CNTNAP5: variants seen among roughly 807,000 people sequenced by gnomAD.
CNTNAP5 encodes the protein contactin associated protein family member 5, also known as contactin-associated protein-like 5.
Under a neutral mutation model 150.2 loss-of-function variants are expected in CNTNAP5, and 72 were observed. That is an observed-to-expected ratio of 0.48 (90% CI 0.40 to 0.58). The LOEUF (loss-of-function observed/expected upper bound fraction) is 0.58. Among genes scored for constraint, CNTNAP5 ranks in the 20% least tolerant of loss-of-function variants. The pLI is 0.00. For missense variants in CNTNAP5, 1,636 were observed against 1,626.2 expected, an observed-to-expected ratio of 1.01 and a Z score of -0.10; for synonymous variants, 672 against 619.8, an observed-to-expected ratio of 1.08 and a Z score of -1.25.
At chr2:124,654,800 C>G (rs994594727) in intron 13 of CNTNAP5, among the ~76,000 whole-genome samples, 2 of 152,024 alleles carry the variant, frequency 1.3e-5, no homozygotes, top group Non-Finnish European at 2.9e-5. Flanking sequence ...CACGCCTAAA[C>G]ATACACAAAT....
intron 10 of CNTNAP5, among the ~76,000 whole-genome samples, chr2:124,558,966 G>T (rs540165761): frequency 6.6e-6 from 1 of 152,150 alleles, no homozygotes; most frequent in Non-Finnish European, 1.5e-5. Context: ...TCTTATCTCT[G>T]CTCTGAAGCA....
chr2:124,699,268 C>T (rs114552816), intron 13 of CNTNAP5, among the ~76,000 whole-genome samples: 4,548 of 152,190 alleles, frequency 0.03, 101 homozygotes, highest in South Asian at 0.041. Context: ...TATCTCAATA[C>T]ATCATCCTGA....
At chr2:124,238,106 T>G (rs1425711753) in intron 2 of CNTNAP5, among the ~76,000 whole-genome samples, 1 of 152,092 alleles carries the variant, frequency 6.6e-6, no homozygotes, top group Non-Finnish European at 1.5e-5. Flanking sequence ...TCAAGGTGAA[T>G]TATGTTTCTA....
intron 1 of CNTNAP5, among the ~76,000 whole-genome samples, chr2:124,139,149 T>G (rs1007679678): frequency 6.6e-6 from 1 of 152,020 alleles, no homozygotes; most frequent in African/African-American, 2.4e-5. Context: ...TATGAGCCAC[T>G]CGAAAACAAA....
chr2:124,614,787 T>C (rs1677459074), intron 12 of CNTNAP5, among the ~76,000 whole-genome samples: 1 of 152,174 alleles, frequency 6.6e-6, no homozygotes, highest in Non-Finnish European at 1.5e-5. Context: ...CAGTATCTTG[T>C]GCCACCCTCC....
chr2:124,768,271 ATGTGTGTGTG>A (rs10598326), intron 16 of CNTNAP5, among the ~76,000 whole-genome samples: 31 of 131,322 alleles, frequency 2.4e-4, no homozygotes, highest in Non-Finnish European at 3.2e-4. Flanking sequence ...TACTGTATGT[ATGTGTGTGTG>A]TGTGTGTGTG....
At chr2:124,468,862 C>G (rs527534995) in intron 6 of CNTNAP5, among the ~76,000 whole-genome samples, 52 of 152,280 alleles carry the variant, frequency 3.4e-4, no homozygotes, top group African/African-American at 1.2e-3. Context: ...ACTGTGGAAC[C>G]CCTCTAGCCT....
chr2:124,104,960 T>C (rs569691395), intron 1 of CNTNAP5, among the ~76,000 whole-genome samples: 1 of 152,078 alleles, frequency 6.6e-6, no homozygotes, highest in Admixed American at 6.6e-5. Context: ...TCCTGACATC[T>C]TGTCCCTTAG....
intron 4 of CNTNAP5, among the ~76,000 whole-genome samples, chr2:124,424,971 T>A (rs539590974): frequency 6.6e-6 from 1 of 152,232 alleles, no homozygotes; most frequent in East Asian, 1.9e-4. Flanking sequence ...ATTGCTATTA[T>A]TCCTGTGACC....
At chr2:124,840,655 G>T (rs774772830) in intron 19 of CNTNAP5, among the ~76,000 whole-genome samples, 2 of 152,002 alleles carry the variant, frequency 1.3e-5, no homozygotes, top group Non-Finnish European at 2.9e-5. Context: ...TCTTTATGCC[G>T]GTAAACAGGA....
intron 19 of CNTNAP5, among the ~76,000 whole-genome samples, chr2:124,838,240 A>C (rs1682869820): frequency 6.6e-6 from 1 of 152,208 alleles, no homozygotes; most frequent in Non-Finnish European, 1.5e-5. Flanking sequence ...GTAGAAGTAG[A>C]TACTATGATT....
At chr2:124,707,039 AAGGAGGAGG>A (rs775220057) in intron 13 of CNTNAP5, among the ~76,000 whole-genome samples, 8 of 82,010 alleles carry the variant, frequency 9.8e-5, no homozygotes, top group African/African-American at 3.2e-4. Context: ...GAAGAAGAAG[AAGGAGGAGG>A]AGGAGGAGGA....
At chr2:124,266,829 T>C (rs576684291) in intron 3 of CNTNAP5, among the ~76,000 whole-genome samples, 3 of 152,286 alleles carry the variant, frequency 2.0e-5, no homozygotes, top group African/African-American at 7.2e-5. Context: ...ACTTTGTCTT[T>C]TGTGTGCTAG....
At chr2:124,651,715 T>C (rs546237031) in intron 13 of CNTNAP5, among the ~76,000 whole-genome samples, 5 of 152,214 alleles carry the variant, frequency 3.3e-5, no homozygotes, top group Non-Finnish European at 5.9e-5. Flanking sequence ...AATTTCCTTA[T>C]TGTGTAGGAA....
chr2:124,669,227 G>T (rs1678760279), intron 13 of CNTNAP5, among the ~76,000 whole-genome samples: 1 of 152,184 alleles, frequency 6.6e-6, no homozygotes, highest in Non-Finnish European at 1.5e-5. Flanking sequence ...GATATTAAAT[G>T]ATTAGTTTTG....
intron 3 of CNTNAP5, among the ~76,000 whole-genome samples, chr2:124,404,275 C>A (rs1008627934): frequency 9.9e-5 from 15 of 152,242 alleles, no homozygotes; most frequent in Admixed American, 2.0e-4. Context: ...ATTTCTTGCA[C>A]AGACTGTAGT....
intron 3 of CNTNAP5, among the ~76,000 whole-genome samples, chr2:124,373,273 T>C (rs1311716601): frequency 6.6e-6 from 1 of 152,134 alleles, no homozygotes; most frequent in Admixed American, 6.5e-5. Flanking sequence ...GCTGTATAAA[T>C]TGGAAACAAC....
At chr2:124,743,000 C>T (rs753882413) in intron 13 of CNTNAP5, among the ~76,000 whole-genome samples, 19 of 152,132 alleles carry the variant, frequency 1.2e-4, no homozygotes, top group Non-Finnish European at 2.4e-4. Context: ...CCCGGAAGCA[C>T]AGTGCATAAC....
At chr2:124,225,816 T>C (rs556425682) in intron 2 of CNTNAP5, among the ~76,000 whole-genome samples, 14 of 152,298 alleles carry the variant, frequency 9.2e-5, no homozygotes, top group African/African-American at 3.4e-4. Flanking sequence ...TGTTCCACTC[T>C]CTGCTTCTCT....
Sources: allele counts gnomAD v4.1 joint callset (sites outside exome capture counted in the v4.1 genomes callset), GRCh38; gene constraint gnomAD v4.1.1; transcripts MANE v1.5; gene names NCBI Gene and HGNC (gene_info 2026-07-23, HGNC 2026-07-21).